OR51B5: variants seen among roughly 807,000 people sequenced by gnomAD.
OR51B5 encodes the protein olfactory receptor family 51 subfamily B member 5, also known as olfactory receptor 51B5.
For synonymous variants in OR51B5, 186 were observed against 144.8 expected (o/e 1.28, Z -2.04); for missense variants, 456 against 374.6 (o/e 1.22, Z -1.79).
intron 1 of OR51B5, chr11:5,454,142 T>C (rs1353990820): frequency 1.9e-6 from 3 of 1,614,202 alleles, no homozygotes. Flanking sequence ...TCCTCTCCTA[T>C]GTGCTCATTC....
intron 1 of OR51B5, among the ~76,000 whole-genome samples, chr11:5,448,871 G>A (rs58411917): frequency 0.092 from 14,031 of 152,190 alleles, 935 homozygotes; most frequent in African/African-American, 0.18. Flanking sequence ...TTATTCACCA[G>A]AAGATATTTT....
At chr11:5,467,004 T>A (rs1851147564) in intron 1 of OR51B5, among the ~76,000 whole-genome samples, 2 of 152,208 alleles carry the variant, frequency 1.3e-5, no homozygotes, top group Admixed American at 1.3e-4. Flanking sequence ...TAATGTACTT[T>A]CCTTTGGGCT....
chr11:5,474,765 G>A (rs546476958), intron 1 of OR51B5, among the ~76,000 whole-genome samples: 12 of 152,260 alleles, frequency 7.9e-5, no homozygotes, highest in African/African-American at 2.2e-4. Flanking sequence ...AAAAAACCAC[G>A]CTGAAGGAGG....
chr11:5,398,151 T>C (rs1849909208), intron 1 of OR51B5, among the ~76,000 whole-genome samples: 2 of 151,792 alleles, frequency 1.3e-5, no homozygotes, highest in African/African-American at 4.8e-5. Context: ...TGTATACATA[T>C]GTAACTAACC....
intron 1 of OR51B5, among the ~76,000 whole-genome samples, chr11:5,361,917 C>CA (rs1215672880): frequency 6.6e-6 from 1 of 151,966 alleles, no homozygotes; most frequent in Non-Finnish European, 1.5e-5. Flanking sequence ...TACTTACTCC[C>CA]AAAAAAGATG....
intron 1 of OR51B5, among the ~76,000 whole-genome samples, chr11:5,387,384 A>G (rs925349927): frequency 6.6e-6 from 1 of 152,030 alleles, no homozygotes; most frequent in South Asian, 2.1e-4. Flanking sequence ...AGTGGGTTTT[A>G]AAAAAAACAT....
intron 1 of OR51B5, among the ~76,000 whole-genome samples, chr11:5,459,406 C>T (rs1851013032): frequency 1.3e-5 from 2 of 151,974 alleles, no homozygotes; most frequent in Non-Finnish European, 2.9e-5. Context: ...GGAATATTGG[C>T]CTGCTAGTTT....
At chr11:5,486,431 T>C (rs778890500) in intron 1 of OR51B5, among the ~76,000 whole-genome samples, 5 of 151,936 alleles carry the variant, frequency 3.3e-5, no homozygotes, top group Non-Finnish European at 7.4e-5. Context: ...CTAAATACTG[T>C]TGGGTTACTG....
At chr11:5,354,166 C>CTGTT (rs199797201) in intron 1 of OR51B5, among the ~76,000 whole-genome samples, 547 of 148,314 alleles carry the variant, frequency 3.7e-3, no homozygotes, top group Middle Eastern at 0.01. Context: ...GTTCTTCTGT[C>CTGTT]TGTTACTGCT....
chr11:5,408,499 A>T (rs890529678), intron 1 of OR51B5, among the ~76,000 whole-genome samples: 4 of 152,002 alleles, frequency 2.6e-5, no homozygotes, highest in African/African-American at 9.7e-5. Context: ...TATGTTCTCA[A>T]TCTATTTATT....
chr11:5,400,980 G>A (rs551288110), intron 1 of OR51B5, among the ~76,000 whole-genome samples: 43 of 152,228 alleles, frequency 2.8e-4, no homozygotes, highest in Non-Finnish European at 5.6e-4. Context: ...AGGTAAGCAG[G>A]TGTGTCTGTG....
At chr11:5,452,260 T>C (rs184070954) in intron 1 of OR51B5, among the ~76,000 whole-genome samples, 163 of 152,054 alleles carry the variant, frequency 1.1e-3, no homozygotes, top group Non-Finnish European at 1.5e-3. Flanking sequence ...ATCCCAGCAC[T>C]TTGGGAGGCC....
At chr11:5,437,464 C>T (rs1850608899) in intron 1 of OR51B5, among the ~76,000 whole-genome samples, 1 of 152,194 alleles carries the variant, frequency 6.6e-6, no homozygotes, top group Non-Finnish European at 1.5e-5. Flanking sequence ...TGAACTCCCA[C>T]TCCCATGGTC....
intron 1 of OR51B5, among the ~76,000 whole-genome samples, chr11:5,483,770 C>T (rs189068244): frequency 2.0e-5 from 3 of 152,216 alleles, no homozygotes; most frequent in African/African-American, 4.8e-5. Context: ...CCTGGGTTTT[C>T]CCACCTGCAC....
intron 1 of OR51B5, among the ~76,000 whole-genome samples, chr11:5,504,446 C>T (rs145491269): frequency 2.6e-5 from 4 of 152,278 alleles, no homozygotes; most frequent in South Asian, 2.1e-4. Context: ...ATCTTCTCTT[C>T]GCCACCTGTG....
At chr11:5,373,478 C>T (rs1849474277) in intron 1 of OR51B5, among the ~76,000 whole-genome samples, 1 of 152,030 alleles carries the variant, frequency 6.6e-6, no homozygotes. Context: ...ACAGTGGGCA[C>T]AGGTCAGTGG....
At chr11:5,486,395 C>T (rs1207335538) in intron 1 of OR51B5, among the ~76,000 whole-genome samples, 2 of 133,032 alleles carry the variant, frequency 1.5e-5, no homozygotes, top group African/African-American at 5.8e-5. Flanking sequence ...CAGTTCCACA[C>T]AGTGACTGGT....
At chr11:5,376,210 C>T (rs2133712426) in intron 1 of OR51B5, among the ~76,000 whole-genome samples, 1 of 152,132 alleles carries the variant, frequency 6.6e-6, no homozygotes, top group African/African-American at 2.4e-5. Context: ...TCCTGAATGA[C>T]TACTGGGTAC....
At chr11:5,352,052 T>G in intron 1 of OR51B5, 1 of 1,614,052 alleles carries the variant, frequency 6.2e-7, no homozygotes, top group South Asian at 1.1e-5. Context: ...CACCAAGATG[T>G]CATCAAGCTA....
Sources: allele counts gnomAD v4.1 joint callset (sites outside exome capture counted in the v4.1 genomes callset), GRCh38; gene constraint gnomAD v4.1.1; transcripts MANE v1.5; gene names NCBI Gene and HGNC (gene_info 2026-07-23, HGNC 2026-07-21).